The following POU6F2 variants were observed in gnomAD, a reference collection of about 807,000 sequenced individuals.
POU6F2 encodes POU class 6 homeobox 2.
POU6F2 carries 31 observed loss-of-function variants against 71.3 expected under a neutral mutation model. That is an observed-to-expected ratio of 0.43 (90% CI 0.33 to 0.59). POU6F2 has a LOEUF of 0.59. Among genes scored for constraint, POU6F2 ranks in the 20% least tolerant of loss-of-function variants. The pLI is 0.04. For missense variants in POU6F2, 783 were observed against 856.8 expected (o/e 0.91, Z 1.07); for synonymous variants, 347 against 355.7 (o/e 0.98, Z 0.27).
chr7:39,459,231 C>G (rs1788882907), intron 8 of POU6F2, among the ~76,000 whole-genome samples: 1 of 152,164 alleles, frequency 6.6e-6, no homozygotes, highest in African/African-American at 2.4e-5. Flanking sequence ...TGACATTCTA[C>G]AGGACTTTTG....
At chr7:39,453,491 A>G (rs879301927) in intron 8 of POU6F2, among the ~76,000 whole-genome samples, 3 of 152,246 alleles carry the variant, frequency 2.0e-5, no homozygotes, top group Admixed American at 6.5e-5. Flanking sequence ...AAATAAGTTA[A>G]ATATGAAAAA....
chr7:39,119,250 G>A (rs1196885672), intron 2 of POU6F2, among the ~76,000 whole-genome samples: 3 of 152,160 alleles, frequency 2.0e-5, no homozygotes, highest in African/African-American at 7.2e-5. Context: ...TGCCTGACAT[G>A]TTCAACAACG....
chr7:39,289,214 T>C (rs927151461), intron 4 of POU6F2, among the ~76,000 whole-genome samples: 3 of 152,162 alleles, frequency 2.0e-5, no homozygotes, highest in Non-Finnish European at 4.4e-5. Flanking sequence ...GCCCCAGCAT[T>C]ACCCAACACA....
intron 2 of POU6F2, among the ~76,000 whole-genome samples, chr7:39,093,216 G>A (rs12672089): frequency 0.27 from 41,632 of 151,788 alleles, 6,333 homozygotes; most frequent in East Asian, 0.56. Context: ...GGACCACACT[G>A]CCATTAAAAC....
At chr7:39,218,188 AGACTGTCACT>A (rs1794278960) in intron 4 of POU6F2, among the ~76,000 whole-genome samples, 1 of 152,128 alleles carries the variant, frequency 6.6e-6, no homozygotes. Context: ...GGCTGCCACT[AGACTGTCACT>A]GATGCCTAAA....
intron 4 of POU6F2, among the ~76,000 whole-genome samples, chr7:39,215,006 T>TATGCC (rs1794212374): frequency 6.6e-6 from 1 of 152,218 alleles, no homozygotes; most frequent in African/African-American, 2.4e-5. Context: ...TTTACTTACT[T>TATGCC]ATGCCTGGGT....
At chr7:39,297,652 C>T (rs1784876348) in intron 4 of POU6F2, among the ~76,000 whole-genome samples, 1 of 151,722 alleles carries the variant, frequency 6.6e-6, no homozygotes. Context: ...TGCTAGGCTG[C>T]CATCTGTGAA....
At chr7:39,047,702 T>G (rs974933404) in intron 1 of POU6F2, among the ~76,000 whole-genome samples, 3 of 151,796 alleles carry the variant, frequency 2.0e-5, no homozygotes, top group Non-Finnish European at 4.4e-5. Flanking sequence ...TAATATTTTT[T>G]CTGTAGACAT....
At chr7:39,006,175 A>G (rs1374076915) in intron 1 of POU6F2, among the ~76,000 whole-genome samples, 2 of 152,144 alleles carry the variant, frequency 1.3e-5, no homozygotes, top group Non-Finnish European at 2.9e-5. Context: ...AGTTAATAAT[A>G]CAGTTGGGCC....
intron 5 of POU6F2, among the ~76,000 whole-genome samples, chr7:39,352,604 G>A (rs1786159851): frequency 6.6e-6 from 1 of 152,166 alleles, no homozygotes; most frequent in Non-Finnish European, 1.5e-5. Context: ...CAGGAGAACT[G>A]TGTACAAAAT....
chr7:39,382,214 G>T (rs887119505), intron 5 of POU6F2, among the ~76,000 whole-genome samples: 3 of 152,158 alleles, frequency 2.0e-5, no homozygotes, highest in Non-Finnish European at 4.4e-5. Flanking sequence ...AGAGAAAAAG[G>T]TGCTTTTCGA....
chr7:39,072,218 G>C (rs1790897167), intron 1 of POU6F2, among the ~76,000 whole-genome samples: 1 of 152,206 alleles, frequency 6.6e-6, no homozygotes, highest in Non-Finnish European at 1.5e-5. Flanking sequence ...GCTCAGTGGA[G>C]TAGCATGAAA....
At chr7:39,288,124 A>G (rs1202036305) in intron 4 of POU6F2, among the ~76,000 whole-genome samples, 1 of 152,224 alleles carries the variant, frequency 6.6e-6, no homozygotes, top group Non-Finnish European at 1.5e-5. Flanking sequence ...AAGCTTTTGA[A>G]TTATGCTTTC....
chr7:39,150,113 G>T (rs546678059), intron 2 of POU6F2, among the ~76,000 whole-genome samples: 1 of 152,048 alleles, frequency 6.6e-6, no homozygotes, highest in East Asian at 1.9e-4. Context: ...TCTCAATCTC[G>T]ATCTCCTGAC....
intron 5 of POU6F2, among the ~76,000 whole-genome samples, chr7:39,396,034 G>T (rs1211611835): frequency 6.6e-6 from 1 of 152,172 alleles, no homozygotes; most frequent in Admixed American, 6.5e-5. Flanking sequence ...TAGCACTATT[G>T]TATGTAAGTA....
At position 39,401,630 on chromosome 7, in the gene POU6F2, C is replaced by T. The variant is rs115001152; in HGVS notation, c.973-4970C>T. Among the ~76,000 whole-genome samples the T allele has an allele frequency of 3.8e-3, 571 of 152,254 alleles. 4 individuals are homozygous for T. The highest frequency in any genetic ancestry group is 0.013 in the African/African-American group (527 of 41,526). On this transcript the variant is annotated intron_variant, in intron 5 of 9. Coordinates refer to ENST00000518318, the MANE Select transcript of POU6F2 (RefSeq NM_001370959.1). ...CATACACATAGGAAAAGTCAAGGTC[C>T]TAATGTATGTAAATGAACTCAAAAG... is the stretch of plus-strand genomic sequence containing the variant.
chr7:39,276,147 A>G (rs1206748316), intron 4 of POU6F2, among the ~76,000 whole-genome samples: 1 of 151,962 alleles, frequency 6.6e-6, no homozygotes, highest in African/African-American at 2.4e-5. Flanking sequence ...TTCGCAACCT[A>G]CTCATCTGAC....
intron 2 of POU6F2, among the ~76,000 whole-genome samples, chr7:39,129,026 A>G (rs1483122887): frequency 6.6e-6 from 1 of 152,222 alleles, no homozygotes; most frequent in Non-Finnish European, 1.5e-5. Flanking sequence ...TCATGGTGAA[A>G]ATAAACATAC....
intron 2 of POU6F2, among the ~76,000 whole-genome samples, chr7:39,104,752 T>C (rs1232717704): frequency 6.6e-6 from 1 of 152,248 alleles, no homozygotes; most frequent in Non-Finnish European, 1.5e-5. Context: ...GGACAGGTTT[T>C]ATAATCACCA....
Sources: gnomAD v4.1 joint callset for allele counts (sites outside exome capture counted in the v4.1 genomes callset) on GRCh38, gnomAD v4.1.1 for gene constraint, MANE v1.5 for transcripts, NCBI Gene and HGNC (gene_info 2026-07-23, HGNC 2026-07-21) for gene names.